Variants in COL26A1 observed in about 807,000 individuals in gnomAD.
COL26A1 encodes collagen alpha-1(XXVI) chain.
A neutral mutation model predicts 59.3 loss-of-function variants in COL26A1; 41 were observed. That is an observed-to-expected ratio of 0.69 (90% confidence interval 0.54 to 0.90). The LOEUF is 0.90. Ranked by LOEUF, COL26A1 falls within the 40% of genes least tolerant of loss-of-function variation. The pLI is 0.00. For synonymous variants in COL26A1, 266 were observed against 256.0 expected (o/e 1.04, Z -0.37); for missense variants, 612 against 602.3 (o/e 1.02, Z -0.17).
intron 1 of COL26A1, among the ~76,000 whole-genome samples, chr7:101,389,282 C>A (rs897048350): frequency 6.6e-6 from 1 of 151,912 alleles, no homozygotes; most frequent in African/African-American, 2.4e-5. Flanking sequence ...GCTGTTAGCC[C>A]TGTTTTGAAT....
In COL26A1 at chr7:101,536,071, C is replaced by T. The variant is rs190706350; in HGVS notation, c.447+2928C>T. On this transcript the variant is annotated intron_variant, in intron 4 of 12. Transcript: ENST00000313669. ...GTCTCGTGCTATCTCAGTGTGGTGG[C>T]GTGATCTCAGCTCACTGCAACCTCT... Among the ~76,000 whole-genome samples, 601 of 152,280 alleles carry T rather than the reference C, an allele frequency of 3.9e-3. 5 individuals carry two copies. The highest frequency in any genetic ancestry group is 0.013 in the African/African-American group (549 of 41,560).
chr7:101,522,178 C>T (rs1465465914), intron 3 of COL26A1, among the ~76,000 whole-genome samples: 1 of 152,082 alleles, frequency 6.6e-6, no homozygotes, highest in African/African-American at 2.4e-5. Context: ...TCCCTCACAC[C>T]CGCATTGGTC....
chr7:101,447,617 T>C, intron 2 of COL26A1, 67 bp from the exon 3 acceptor site: 1 of 1,106,186 alleles, frequency 9.0e-7, no homozygotes, highest in Admixed American at 2.0e-5. Flanking sequence ...GGCCCATCTT[T>C]GCAGCAGTGG....
rs572144574 is a variant in COL26A1 at position 101,370,019 on chromosome 7, T to C, written c.158+6829T>C. The stretch of plus-strand genomic sequence containing the variant: ...CTGGGATTACAGGCATGTGCCATCA[T>C]GCCTGGCTAATTTTGTATTTTTTGT... On this transcript the variant is annotated intron_variant, in intron 1 of 12. Coordinates refer to ENST00000313669, the MANE Select transcript of COL26A1 (RefSeq NM_001278563.3). 1.7e-3 allele frequency among the ~76,000 whole-genome samples: 263 copies of C among 152,136 alleles called. 8 individuals carry two copies. Among genetic ancestry groups the C allele is most frequent in the Admixed American group, 0.016 (243 of 15,264 alleles).
intron 3 of COL26A1, among the ~76,000 whole-genome samples, chr7:101,496,701 C>T (rs1794593401): frequency 6.6e-6 from 1 of 152,108 alleles, no homozygotes; most frequent in African/African-American, 2.4e-5. Context: ...GGCTGGCCAA[C>T]ATGGCAAAAA....
chr7:101,402,378 C>T (rs1460050392), intron 1 of COL26A1, among the ~76,000 whole-genome samples: 1 of 152,052 alleles, frequency 6.6e-6, no homozygotes, highest in South Asian at 2.1e-4. Context: ...GGAATCCTGG[C>T]GGTTGTCCTG....
intron 1 of COL26A1, among the ~76,000 whole-genome samples, chr7:101,390,394 C>A (rs1791701923): frequency 6.6e-6 from 1 of 151,974 alleles, no homozygotes; most frequent in African/African-American, 2.4e-5. Flanking sequence ...TCTCAATGTG[C>A]TAGGATTACA....
chr7:101,524,285 AAAC>A (rs1422946372), intron 3 of COL26A1, among the ~76,000 whole-genome samples: 2 of 152,064 alleles, frequency 1.3e-5, no homozygotes, highest in East Asian at 3.9e-4. Context: ...AAAAAAAAAA[AAAC>A]GACTATTGCA....
intron 3 of COL26A1, among the ~76,000 whole-genome samples, chr7:101,526,152 G>A (rs368379403): frequency 6.6e-6 from 1 of 151,686 alleles, no homozygotes; most frequent in African/African-American, 2.4e-5. Context: ...GGGTTCAAGC[G>A]ATTCTCCTGC....
chr7:101,534,462 A>T (rs987968112), intron 4 of COL26A1, among the ~76,000 whole-genome samples: 3 of 152,150 alleles, frequency 2.0e-5, no homozygotes, highest in Admixed American at 2.0e-4. Context: ...GTGCACACAC[A>T]TCTGTGTGCA....
chr7:101,485,493 T>C (rs1350255608), intron 3 of COL26A1, among the ~76,000 whole-genome samples: 4 of 152,164 alleles, frequency 2.6e-5, no homozygotes. Flanking sequence ...GCTTGTGAGC[T>C]AATGGACCAG....
chr7:101,510,884 CTT>C lies in COL26A1; in HGVS notation c.386-22194_386-22193del, dbSNP rs1333141543. Among the ~76,000 whole-genome samples, 19 of 133,126 alleles carry C rather than the reference CTT, an allele frequency of 1.4e-4. No homozygotes were observed. The South Asian group carries it at 4.5e-3, about 31-fold the overall frequency. The allele number at this position is 133,126 out of a possible 152,430, so 87.3% of individuals were successfully genotyped here. On this transcript the variant is annotated intron_variant, in intron 3 of 12. Coordinates refer to ENST00000313669, the MANE Select transcript of COL26A1 (RefSeq NM_001278563.3). ...GAGCACTTGTGCATCTCACTTTTTT[CTT>C]TTTCTTTCTTTCTTTTTTTTTTTTT...
intron 2 of COL26A1, among the ~76,000 whole-genome samples, chr7:101,433,781 C>A (rs944272381): frequency 6.6e-6 from 1 of 152,042 alleles, no homozygotes; most frequent in Non-Finnish European, 1.5e-5. Context: ...GCAGGGGTGC[C>A]CACGCAGGGG....
At chr7:101,412,510 TG>T (rs1212419420) in intron 1 of COL26A1, among the ~76,000 whole-genome samples, 2 of 152,034 alleles carry the variant, frequency 1.3e-5, no homozygotes, top group East Asian at 3.9e-4. Context: ...CCAGGCGTGG[TG>T]GTGTGCACCT....
At chr7:101,364,137 G>A (rs1191159033) in intron 1 of COL26A1, among the ~76,000 whole-genome samples, 1 of 152,130 alleles carries the variant, frequency 6.6e-6, no homozygotes, top group African/African-American at 2.4e-5. Flanking sequence ...CCCCCGGGAC[G>A]CTCAGGGCTG....
intron 1 of COL26A1, among the ~76,000 whole-genome samples, chr7:101,371,191 C>T (rs899520142): frequency 1.3e-5 from 2 of 152,148 alleles, no homozygotes; most frequent in Admixed American, 6.5e-5. Flanking sequence ...GGGACTCAAA[C>T]GTGAAGGCAG....
At chr7:101,528,396 C>T (rs1795293850) in intron 3 of COL26A1, among the ~76,000 whole-genome samples, 1 of 152,108 alleles carries the variant, frequency 6.6e-6, no homozygotes, top group Non-Finnish European at 1.5e-5. Context: ...CAGGCCAGGG[C>T]TGTCATTTGT....
chr7:101,421,516 A>G (rs529801236), intron 2 of COL26A1, among the ~76,000 whole-genome samples: 61 of 152,080 alleles, frequency 4.0e-4, no homozygotes, highest in Non-Finnish European at 7.1e-4. Flanking sequence ...TTCTACTAAA[A>G]ATACAAAAAT....
At chr7:101,513,147 C>T (rs895776486) in intron 3 of COL26A1, among the ~76,000 whole-genome samples, 16 of 151,842 alleles carry the variant, frequency 1.1e-4, no homozygotes, top group Admixed American at 5.9e-4. Flanking sequence ...GCTGGGATTA[C>T]AGGCATGCGC....
Sources: allele counts gnomAD v4.1 joint callset (sites outside exome capture counted in the v4.1 genomes callset), GRCh38; gene constraint gnomAD v4.1.1; transcripts MANE v1.5; gene names NCBI Gene and HGNC (gene_info 2026-07-23, HGNC 2026-07-21).